Variants in ZYG11B observed in about 807,000 individuals in gnomAD.
ZYG11B encodes the protein protein zyg-11 homolog B.
ZYG11B carries 36 observed loss-of-function variants against 82.4 expected under a neutral mutation model. The ratio of observed to expected loss-of-function variants is 0.44; its 90% CI spans 0.33 to 0.58. The LOEUF is 0.58. ZYG11B is among the 20% of genes least tolerant of loss of function. The pLI is 0.02. For missense variants in ZYG11B, 552 were observed against 895.6 expected, an observed-to-expected ratio of 0.62 and a Z score of 4.90; for synonymous variants, 303 against 312.8, an observed-to-expected ratio of 0.97 and a Z score of 0.33.
chr1:52,808,041 G>A (rs1021294240), intron 10 of ZYG11B, among the ~76,000 whole-genome samples: 3 of 152,078 alleles, frequency 2.0e-5, no homozygotes, highest in Non-Finnish European at 4.4e-5. Context: ...GTATGTACAC[G>A]TTCTTTTCCT....
chr1:52,766,746 C>T (rs1008538562), intron 2 of ZYG11B, among the ~76,000 whole-genome samples: 1 of 152,138 alleles, frequency 6.6e-6, no homozygotes, highest in Non-Finnish European at 1.5e-5. Context: ...CAGTGGCTCA[C>T]GCCTGTAATC....
intron 12 of ZYG11B, among the ~76,000 whole-genome samples, chr1:52,815,787 T>C (rs370017888): frequency 4.6e-5 from 7 of 151,366 alleles, no homozygotes; most frequent in Admixed American, 2.6e-4. Context: ...ACAAAAAAAT[T>C]AGCCGGGCGT....
chr1:52,738,914 C>CT (rs931598960), intron 1 of ZYG11B, among the ~76,000 whole-genome samples: 6 of 138,982 alleles, frequency 4.3e-5, no homozygotes, highest in East Asian at 4.7e-4. Context: ...CCGGCCAGGA[C>CT]TTTTTTTTTT....
chr1:52,747,075 G>C (rs1044717635), intron 1 of ZYG11B, among the ~76,000 whole-genome samples: 4 of 151,648 alleles, frequency 2.6e-5, no homozygotes, highest in Non-Finnish European at 4.4e-5. Context: ...ATACAAAATG[G>C]TATCTAGTAT....
At chr1:52,811,811 A>T (rs868552085) in intron 10 of ZYG11B, among the ~76,000 whole-genome samples, 8 of 152,222 alleles carry the variant, frequency 5.3e-5, no homozygotes, top group African/African-American at 1.9e-4. Context: ...CGGGCGGATC[A>T]CGAGGTCAGG....
chr1:52,771,868 A>G lies in ZYG11B; in HGVS notation c.951+94A>G. On this transcript the variant is annotated intron_variant, in intron 3 of 13. Coordinates refer to ENST00000294353, the MANE Select transcript of ZYG11B (RefSeq NM_024646.3). The surrounding 1 kb of genome is among the most constrained non-coding windows in gnomAD (Gnocchi z 5.4). Reference sequence around the variant, plus strand: ...GATGAATGTCTGTAATATATGGAACATGTTCATGAAACAGGGCTGCATATA... The same window carrying G: ...GATGAATGTCTGTAATATATGGAACGTGTTCATGAAACAGGGCTGCATATA... 1.4e-6 allele frequency: 2 copies of G among 1,411,436 alleles called. No individual in the cohort carries two copies. The highest frequency in any genetic ancestry group is 1.4e-5 in the African/African-American group (1 of 69,694). The allele number at this position is 1,411,436 out of a possible 1,614,324, so 87.4% of individuals were successfully genotyped here.
At chr1:52,773,637 T>A (rs1299531119) in intron 3 of ZYG11B, among the ~76,000 whole-genome samples, 184 of 49,472 alleles carry the variant, frequency 3.7e-3, no homozygotes, top group African/African-American at 0.012. Flanking sequence ...ATTTTTTTTT[T>A]TTTTTTTTTT....
chr1:52,775,256 T>C (rs1644794380), intron 3 of ZYG11B, among the ~76,000 whole-genome samples: 1 of 152,208 alleles, frequency 6.6e-6, no homozygotes, highest in South Asian at 2.1e-4. Context: ...GAAGTCAGAC[T>C]CCTATATTGA....
chr1:52,751,621 A>G (rs1021357727), intron 1 of ZYG11B, among the ~76,000 whole-genome samples: 4 of 152,096 alleles, frequency 2.6e-5, no homozygotes, highest in Admixed American at 2.6e-4. Context: ...TGACAGAGCA[A>G]GACTCCGTCT....
intron 2 of ZYG11B, among the ~76,000 whole-genome samples, chr1:52,760,440 T>TAACAACAAC (rs138134419): frequency 1.3e-5 from 2 of 150,004 alleles, no homozygotes; most frequent in East Asian, 2.0e-4. Context: ...ATGAGACTCT[T>TAACAACAAC]AACGACAACA....
chr1:52,742,950 G>A (rs1388880334), intron 1 of ZYG11B, among the ~76,000 whole-genome samples: 1 of 151,582 alleles, frequency 6.6e-6, no homozygotes, highest in Admixed American at 6.6e-5. Flanking sequence ...GGCAGCCCCC[G>A]CCCGGCCAGC....
chr1:52,775,719 AT>A (rs1476325200), intron 3 of ZYG11B, among the ~76,000 whole-genome samples: 1 of 151,750 alleles, frequency 6.6e-6, no homozygotes, highest in Non-Finnish European at 1.5e-5. Flanking sequence ...ACAAAAAGAT[AT>A]CTGTTAATAT....
intron 1 of ZYG11B, among the ~76,000 whole-genome samples, chr1:52,734,887 C>A (rs557555652): frequency 2.3e-4 from 35 of 151,928 alleles, no homozygotes; most frequent in African/African-American, 8.2e-4. Context: ...TGCCACCGTG[C>A]TCAGCTAATT....
intron 8 of ZYG11B, among the ~76,000 whole-genome samples, chr1:52,797,281 T>C (rs1645028202): frequency 1.2e-5 from 1 of 86,836 alleles, no homozygotes; most frequent in Non-Finnish European, 1.9e-5. Flanking sequence ...ATAAAATATT[T>C]ATATTATATA....
At chr1:52,819,278 A>G (rs1461614547) in intron 13 of ZYG11B, among the ~76,000 whole-genome samples, 1 of 152,126 alleles carries the variant, frequency 6.6e-6, no homozygotes, top group Non-Finnish European at 1.5e-5. Flanking sequence ...TTGTTCACTC[A>G]TAAATCGAAA....
intron 1 of ZYG11B, among the ~76,000 whole-genome samples, chr1:52,742,841 CAA>C (rs746756692): frequency 4.2e-4 from 42 of 100,092 alleles, no homozygotes; most frequent in African/African-American, 5.9e-4. Flanking sequence ...GCCTCCGTCT[CAA>C]AAAAAAAAAA....
intron 2 of ZYG11B, among the ~76,000 whole-genome samples, chr1:52,765,162 T>C (rs898578983): frequency 1.1e-4 from 17 of 151,578 alleles, no homozygotes; most frequent in Non-Finnish European, 1.3e-4. Flanking sequence ...GCTAGGATTA[T>C]AGGCGTGAGC....
At chr1:52,805,693 G>A (rs185635617) in intron 10 of ZYG11B, among the ~76,000 whole-genome samples, 141 of 152,130 alleles carry the variant, frequency 9.3e-4, no homozygotes, top group African/African-American at 3.1e-3. Flanking sequence ...TTAGCCAGCC[G>A]TGGTGGCCCA....
chr1:52,813,966 C>T, intron 12 of ZYG11B, 54 bp downstream of exon 12: 1 of 1,553,542 alleles, frequency 6.4e-7, no homozygotes, highest in African/African-American at 1.4e-5. Context: ...GAGATCATTC[C>T]TAAGAGTCAT....
Sources: gnomAD v4.1 joint callset for allele counts (sites outside exome capture counted in the v4.1 genomes callset) on GRCh38, gnomAD v4.1.1 for gene constraint, Gnocchi (gnomAD v3.1) non-coding constraint, MANE v1.5 for transcripts, NCBI Gene and HGNC (gene_info 2026-07-23, HGNC 2026-07-21) for gene names.